The following FKBP2 variants were observed in gnomAD, a reference collection of about 807,000 sequenced individuals.
FKBP2 encodes the protein FKBP prolyl isomerase 2, also known as peptidyl-prolyl cis-trans isomerase FKBP2.
Under a neutral mutation model 19.4 loss-of-function variants are expected in FKBP2, and 15 were observed. The observed-to-expected ratio is 0.77, with a 90% CI of 0.52 to 1.19. The LOEUF is 1.19. Ranked by LOEUF, FKBP2 falls within the 50% of genes most tolerant of loss-of-function variation. The pLI is 0.00. For synonymous variants in FKBP2, 76 were observed against 74.8 expected (o/e 1.02, Z -0.08); for missense variants, 170 against 179.0 (o/e 0.95, Z 0.29).
chr11:64,244,044 G>T lies in FKBP2; in HGVS notation c.*15G>T. The T allele has an allele frequency of 6.2e-7, 1 of 1,613,652 alleles. No individual in the cohort carries two copies. Among genetic ancestry groups the T allele is most frequent in the East Asian group, 2.2e-5 (1 of 44,874 alleles). ...CTGAGCTGTAACCAGACTGGGGAGG[G>T]GCAGGGGGAGAGGCCCCCATCAGGG... On this transcript the variant is annotated 3_prime_UTR_variant, in exon 6 of 6. Coordinates refer to ENST00000309366, the MANE Select transcript of FKBP2 (RefSeq NM_004470.4).
Position 64,242,489 on chromosome 11 carries a change from G to T in FKBP2, c.102G>T (p.Gly34=), listed in dbSNP as rs929610073. 9.0e-6 allele frequency: 14 copies of T among 1,554,110 alleles called. No individual in the cohort carries two copies. Among genetic ancestry groups the T allele is most frequent in the Non-Finnish European group, 1.2e-5 (14 of 1,156,834 alleles). The change falls in exon 2 of 6, where the codon GGG becomes GGT. Residue 34 remains glycine (G), a synonymous_variant. Coordinates refer to ENST00000309366, the MANE Select transcript of FKBP2 (RefSeq NM_004470.4). ...AGGGCAAAAGGAAGCTGCAGATCGG[G>T]GTCAAGAAGCGGGTGGACCACTGTC... ...GAEGKRKLQI[G]VKKRVDHCPI...
intron 3 of FKBP2, 41 bp from the exon 4 acceptor site, chr11:64,243,410 C>T (rs375592753): frequency 1.6e-5 from 26 of 1,612,994 alleles, no homozygotes; most frequent in Non-Finnish European, 2.1e-5. Context: ...AAGACAAGGG[C>T]CCTGGGTGCT....
intron 1 of FKBP2, chr11:64,241,694 C>T (rs1241168885): frequency 6.6e-6 from 1 of 152,350 alleles, no homozygotes; most frequent in Non-Finnish European, 1.5e-5. Context: ...CGGGGGTGGT[C>T]TCCGTGGTGG....
rs533677570 is a variant in FKBP2, at chr11:64,241,104, G to C, written c.-33G>C. The C allele has an allele frequency of 6.5e-6, 1 of 152,798 alleles. No homozygotes were observed. Among genetic ancestry groups the C allele is most frequent in the Admixed American group, 6.5e-5 (1 of 15,316 alleles). The allele number at this position is 152,798 out of a possible 1,614,324, so 9.5% of individuals were successfully genotyped here. A position where few individuals can be genotyped will look rare whatever the true frequency, so the allele number is the denominator to read the frequency against. On this transcript the variant is annotated 5_prime_UTR_variant, in exon 1 of 6. Coordinates refer to ENST00000309366, the MANE Select transcript of FKBP2 (RefSeq NM_004470.4). ...CCTGCGCAGAGGCGGCAGCACCACC[G>C]GGGTTGACTCCGGGGGCGCGGCGAG...
chr11:64,242,560 TGAGTGGGTTGGGCGGGCCTTTTGG>T lies in FKBP2; in HGVS notation c.171+11_171+34del. 6.5e-7 allele frequency: 1 copy of T among 1,533,642 alleles called. No homozygotes were observed. Among genetic ancestry groups the T allele is most frequent in the Non-Finnish European group, 8.7e-7 (1 of 1,146,628 alleles). The stretch of plus-strand genomic sequence containing the variant: ...GATGTCCTGCACATGCACTACACGG[TGAGTGGGTTGGGCGGGCCTTTTGG>T]GAGTGGGTGGGGCTTCCGAGGACCA... On this transcript the variant is annotated splice_donor_5th_base_variant and intron_variant, in intron 2 of 5. Coordinates refer to ENST00000309366, the MANE Select transcript of FKBP2 (RefSeq NM_004470.4).
chr11:64,242,436 A>G lies in FKBP2; in HGVS notation c.49A>G (p.Ser17Gly). The G allele has an allele frequency of 6.4e-7, 1 of 1,552,036 alleles. No individual in the cohort carries two copies. The highest frequency in any genetic ancestry group is 8.7e-7 in the Non-Finnish European group (1 of 1,154,000). ...CCTGACAGTACTGTCCATCTGCCTG[A>G]GCGCCGTGGCCACGGCCACGGGGGC... ...RVLTVLSICL[S>G]AVATATGAEG... The change falls in exon 2 of 6, where the codon AGC (serine) becomes GGC (glycine). Residue 17 changes from serine to glycine, a missense_variant. Coordinates refer to ENST00000309366, the MANE Select transcript of FKBP2 (RefSeq NM_004470.4).
At chr11:64,243,594 A>T in intron 4 of FKBP2, 97 bp downstream of exon 4, 1 of 1,448,752 alleles carries the variant, frequency 6.9e-7, no homozygotes, top group Non-Finnish European at 9.6e-7. Flanking sequence ...CACCGTATCC[A>T]TTCATTACAA....
In FKBP2 at chr11:64,243,511, C is replaced by G. The variant is rs1469432753; in HGVS notation, c.331+14C>G. 6 of 1,613,230 alleles carry G rather than the reference C, an allele frequency of 3.7e-6. No homozygotes were observed. The African/African-American group carries it at 4.0e-5, about 11-fold the overall frequency. ...CATCCGAGCTAGGTAAGAGGCCCCT[C>G]CTGAGGGTGCAGAGCGAGTTTGGGG... is the stretch of plus-strand genomic sequence containing the variant. On this transcript the variant is annotated intron_variant, in intron 4 of 5. Coordinates refer to ENST00000309366, the MANE Select transcript of FKBP2 (RefSeq NM_004470.4).
chr11:64,242,840 C>A (rs921077144), intron 2 of FKBP2, among the ~76,000 whole-genome samples: 1 of 152,150 alleles, frequency 6.6e-6, no homozygotes, highest in African/African-American at 2.4e-5. Context: ...CTTTGGGAGG[C>A]CGAGGCGGGT....
chr11:64,243,719 C>G, intron 4 of FKBP2, 122 bp from the exon 5 acceptor site: 1 of 1,392,392 alleles, frequency 7.2e-7, no homozygotes, highest in Non-Finnish European at 1.0e-6. Flanking sequence ...CACCCCCTTC[C>G]CATCTCCATT....
rs1200763236 is a variant in FKBP2, at chr11:64,242,172, C to A, written c.-4-212C>A. ...GTGGCCTCCCCTGACCCCCTCCCCC[C>A]GCTGCTGGGGTCCTCGGCCAAGCCC... is the stretch of plus-strand genomic sequence containing the variant. On this transcript the variant is annotated intron_variant, in intron 1 of 5. Coordinates refer to ENST00000309366, the MANE Select transcript of FKBP2 (RefSeq NM_004470.4). 6.2e-6 allele frequency: 3 copies of A among 485,732 alleles called. No homozygotes were observed. The Admixed American group carries it at 1.3e-4, about 20-fold the overall frequency. 30.1% of individuals were successfully genotyped at this position (485,732 alleles called of 1,614,324 possible).
Position 64,242,160 on chromosome 11 carries a change from A to AC in FKBP2, c.-4-219dup. ...TCCCTGGCTGCTGTGGCCTCCCCTG[A>AC]CCCCCTCCCCCCGCTGCTGGGGTCC... On this transcript the variant is annotated intron_variant, in intron 1 of 5. Coordinates refer to ENST00000309366, the MANE Select transcript of FKBP2 (RefSeq NM_004470.4). 3 of 472,090 alleles carry AC rather than the reference A, an allele frequency of 6.4e-6. No individual in the cohort carries two copies. In the South Asian group the frequency reaches 9.8e-5, roughly 15 times the overall value. The allele number at this position is 472,090 out of a possible 1,614,324, so 29.2% of individuals were successfully genotyped here.
At position 64,242,494 on chromosome 11, in the gene FKBP2, A is replaced by G. The variant is rs1326458045; in HGVS notation, c.107A>G (p.Lys36Arg). Reference sequence around the variant, plus strand: ...AAAAGGAAGCTGCAGATCGGGGTCAAGAAGCGGGTGGACCACTGTCCCATC... The same window carrying G: ...AAAAGGAAGCTGCAGATCGGGGTCAGGAAGCGGGTGGACCACTGTCCCATC... ...EGKRKLQIGV[K>R]KRVDHCPIKS... Residue 36 changes from lysine (K) to arginine (R), a missense_variant, in exon 2 of 6, where the codon AAG becomes AGG. By Grantham distance (26) the Lys-to-Arg change is conservative (BLOSUM62 2). Coordinates refer to ENST00000309366, the MANE Select transcript of FKBP2 (RefSeq NM_004470.4). The G allele has an allele frequency of 1.9e-6, 3 of 1,555,516 alleles. No individual in the cohort carries two copies. The East Asian group carries it at 7.4e-5, about 38-fold the overall frequency.
intron 1 of FKBP2, chr11:64,242,064 C>T (rs988664347): frequency 7.6e-6 from 2 of 264,848 alleles, no homozygotes; most frequent in African/African-American, 2.2e-5. Flanking sequence ...CGTAAAGGGA[C>T]AGGCGGGAAC....
chr11:64,243,525 G>GC, intron 4 of FKBP2, 28 bp downstream of exon 4: 3 of 1,612,622 alleles, frequency 1.9e-6, no homozygotes, highest in African/African-American at 2.7e-5. Flanking sequence ...AGGGTGCAGA[G>GC]CGAGTTTGGG....
intron 1 of FKBP2, chr11:64,242,158 T>C: frequency 2.1e-6 from 1 of 474,824 alleles, no homozygotes; most frequent in Non-Finnish European, 3.7e-6. Context: ...TGGCCTCCCC[T>C]GACCCCCTCC....
At position 64,242,573 on chromosome 11, in the gene FKBP2, C is replaced by T. The variant is rs1163593375; in HGVS notation, c.171+15C>T. On this transcript the variant is annotated intron_variant, in intron 2 of 5. Transcript: ENST00000309366. ...TGCACTACACGGTGAGTGGGTTGGG[C>T]GGGCCTTTTGGGAGTGGGTGGGGCT... 2 of 1,519,490 alleles carry T rather than the reference C, an allele frequency of 1.3e-6. No homozygotes were observed. The highest frequency in any genetic ancestry group is 8.8e-7 in the Non-Finnish European group (1 of 1,138,820). The allele number at this position is 1,519,490 out of a possible 1,614,324, so 94.1% of individuals were successfully genotyped here. A position where few individuals can be genotyped will look rare whatever the true frequency, so the allele number is the denominator to read the frequency against.
rs549834280 is a variant in FKBP2 at position 64,243,112 on chromosome 11, G to C, written c.172-87G>C. On this transcript the variant is annotated intron_variant, in intron 2 of 5. Transcript: ENST00000309366. ...CCACCAGGGCTGTGGGTGGGCGTGG[G>C]GGGGCAGCTTGATGGGGAAAGCAGC... 4.3e-5 allele frequency: 52 copies of C among 1,215,894 alleles called. No homozygotes were observed. In the African/African-American group the frequency reaches 5.2e-4, roughly 12 times the overall value. 75.3% of individuals were successfully genotyped at this position (1,215,894 alleles called of 1,614,324 possible). A position where few individuals can be genotyped will look rare whatever the true frequency, so the allele number is the denominator to read the frequency against.
At chr11:64,242,088 T>G (rs979973717) in intron 1 of FKBP2, 18 of 297,296 alleles carry the variant, frequency 6.1e-5, no homozygotes, top group African/African-American at 1.7e-4. Flanking sequence ...AGAGCGGAGG[T>G]GGGGACTGGG....
Sources: allele counts gnomAD v4.1 joint callset (sites outside exome capture counted in the v4.1 genomes callset), GRCh38; gene constraint gnomAD v4.1.1; transcripts MANE v1.5; gene names NCBI Gene and HGNC (gene_info 2026-07-23, HGNC 2026-07-21).